RAB3GAP2: variants seen among roughly 807,000 people sequenced by gnomAD.
RAB3GAP2 encodes the protein RAB3 GTPase activating non-catalytic protein subunit 2.
In RAB3GAP2, 87 loss-of-function variants were observed where a neutral mutation model predicts 185.3. That is an observed-to-expected ratio of 0.47 (90% CI 0.39 to 0.56). The LOEUF is 0.56. RAB3GAP2 is among the 20% of genes least tolerant of loss of function. RAB3GAP2 has a pLI of 0.00. For missense variants in RAB3GAP2, 1,492 were observed against 1,638.2 expected (o/e 0.91, Z 1.54); for synonymous variants, 554 against 576.1 (o/e 0.96, Z 0.55).
At chr1:220,208,932 G>T (rs761983282) in intron 7 of RAB3GAP2, among the ~76,000 whole-genome samples, 4 of 152,174 alleles carry the variant, frequency 2.6e-5, no homozygotes, top group Non-Finnish European at 4.4e-5. Flanking sequence ...ACCCAGGCTG[G>T]TCTCAAACTC....
intron 1 of RAB3GAP2, among the ~76,000 whole-genome samples, chr1:220,233,863 G>A (rs1659545693): frequency 6.6e-6 from 1 of 152,076 alleles, no homozygotes; most frequent in Non-Finnish European, 1.5e-5. Context: ...ACCACGCCCG[G>A]CTGATTTTTG....
At chr1:220,164,473 G>GTTTTTTTTTT (rs35024056) in intron 27 of RAB3GAP2, among the ~76,000 whole-genome samples, 2 of 105,644 alleles carry the variant, frequency 1.9e-5, no homozygotes, top group Admixed American at 1.0e-4. Flanking sequence ...TTTTTGTTTT[G>GTTTTTTTTTT]TTTTTTTTTT....
chr1:220,164,605 T>C, intron 27 of RAB3GAP2, 128 bp downstream of exon 27: 2 of 1,345,712 alleles, frequency 1.5e-6, no homozygotes, highest in Non-Finnish European at 1.0e-6. Flanking sequence ...CAATACACAG[T>C]AATATGTTAG....
At chr1:220,267,442 A>G (rs1007833293) in intron 1 of RAB3GAP2, 4 of 1,371,988 alleles carry the variant, frequency 2.9e-6, no homozygotes, top group African/African-American at 2.9e-5. Context: ...CCTAAGAGCC[A>G]GAATAAACTT....
chr1:220,173,652 C>CT lies in RAB3GAP2; in HGVS notation c.2311-911dup, dbSNP rs555559039. 1.2e-3 allele frequency among the ~76,000 whole-genome samples: 190 copies of CT among 152,314 alleles called. 1 individual carries two copies. The highest frequency in any genetic ancestry group is 4.4e-3 in the African/African-American group (184 of 41,578). ...TCACCTCCTTTTATCCTAATAACTT[C>CT]TGTGGCAGGGATGATGATCCAGATT... On this transcript the variant is annotated intron_variant, in intron 21 of 34. Coordinates refer to ENST00000358951, the MANE Select transcript of RAB3GAP2 (RefSeq NM_012414.4).
chr1:220,246,250 T>G (rs1659813861), intron 1 of RAB3GAP2, among the ~76,000 whole-genome samples: 1 of 152,080 alleles, frequency 6.6e-6, no homozygotes, highest in Non-Finnish European at 1.5e-5. Flanking sequence ...AGAACGGCAA[T>G]CATTAAAAAG....
intron 13 of RAB3GAP2, 90 bp downstream of exon 13, chr1:220,193,150 T>C: frequency 2.0e-6 from 3 of 1,497,318 alleles, no homozygotes; most frequent in Non-Finnish European, 2.8e-6. Flanking sequence ...TAAACAGAGT[T>C]ATCATCCAGA....
intron 1 of RAB3GAP2, chr1:220,254,200 G>A: frequency 6.2e-7 from 1 of 1,613,534 alleles, no homozygotes; most frequent in Non-Finnish European, 8.5e-7. Flanking sequence ...AGATAATAAG[G>A]AGTATGCGGT....
In RAB3GAP2 at chr1:220,232,954, CT is replaced by C. The variant is rs1201591245; in HGVS notation, c.116-92del. The C allele has an allele frequency of 3.4e-5, 33 of 969,266 alleles. No homozygotes were observed. The Middle Eastern group carries it at 8.6e-4, about 25-fold the overall frequency. 60.0% of individuals were successfully genotyped at this position (969,266 alleles called of 1,614,324 possible). A position where few individuals can be genotyped will look rare whatever the true frequency, so the allele number is the denominator to read the frequency against. On this transcript the variant is annotated intron_variant, in intron 1 of 34. Transcript: ENST00000358951. ...TTTCTAAACATCATAGAACCAACCC[CT>C]GTATAATGCTGATATTAAGAAAGAA...
At chr1:220,225,569 C>T (rs1189440127) in intron 2 of RAB3GAP2, among the ~76,000 whole-genome samples, 1 of 152,132 alleles carries the variant, frequency 6.6e-6, no homozygotes, top group Non-Finnish European at 1.5e-5. Flanking sequence ...CTAGATGATG[C>T]CAAATCATTG....
intron 1 of RAB3GAP2, among the ~76,000 whole-genome samples, chr1:220,264,055 C>T (rs1257991677): frequency 6.6e-6 from 1 of 151,836 alleles, no homozygotes; most frequent in Admixed American, 6.6e-5. Flanking sequence ...AAAATGCTGA[C>T]CTTCTCAACA....
At chr1:220,256,156 A>G (rs1452384089) in intron 1 of RAB3GAP2, among the ~76,000 whole-genome samples, 2 of 152,206 alleles carry the variant, frequency 1.3e-5, no homozygotes, top group East Asian at 1.9e-4. Context: ...TGGCTAAGCT[A>G]AGCTTCATAG....
chr1:220,189,958 A>T, intron 16 of RAB3GAP2, 106 bp downstream of exon 16: 1 of 1,116,184 alleles, frequency 9.0e-7, no homozygotes, highest in Non-Finnish European at 1.3e-6. Flanking sequence ...GAGCAATTCC[A>T]ATAAGCTCAT....
intron 7 of RAB3GAP2, among the ~76,000 whole-genome samples, chr1:220,209,076 C>G (rs973262899): frequency 6.6e-6 from 1 of 152,002 alleles, no homozygotes; most frequent in Non-Finnish European, 1.5e-5. Flanking sequence ...AGTCCTGGCT[C>G]CCACCCAGCA....
chr1:220,254,635 G>A, intron 1 of RAB3GAP2: 1 of 926,348 alleles, frequency 1.1e-6, no homozygotes, highest in Non-Finnish European at 1.7e-6. Context: ...GAAGATGTTA[G>A]TGTATAACAA....
At chr1:220,174,491 T>C (rs1443017141) in intron 21 of RAB3GAP2, among the ~76,000 whole-genome samples, 1 of 152,204 alleles carries the variant, frequency 6.6e-6, no homozygotes, top group Non-Finnish European at 1.5e-5. Context: ...TCATGAAGAA[T>C]GGAGTGTCCA....
At position 220,226,878 on chromosome 1, in the gene RAB3GAP2, T is replaced by C. The variant is rs192923139; in HGVS notation, c.180+5921A>G. On this transcript the variant is annotated intron_variant, in intron 2 of 34. Transcript: ENST00000358951. Reference sequence around the variant, plus strand: ...TTAAATGCAAATGAGCTCATAAGAGTTGGATAGGACTGGTGTCCTCATAAG... The same window carrying C: ...TTAAATGCAAATGAGCTCATAAGAGCTGGATAGGACTGGTGTCCTCATAAG... 4.0e-4 allele frequency among the ~76,000 whole-genome samples: 60 copies of C among 151,810 alleles called. 1 individual carries two copies. The East Asian group carries it at 0.011, about 29-fold the overall frequency.
At chr1:220,172,964 T>C (rs1458019998) in intron 21 of RAB3GAP2, among the ~76,000 whole-genome samples, 1 of 152,188 alleles carries the variant, frequency 6.6e-6, no homozygotes, top group Non-Finnish European at 1.5e-5. Context: ...ACTTCACTGT[T>C]TCCAAACCTT....
chr1:220,170,712 C>A (rs963287967), intron 24 of RAB3GAP2, among the ~76,000 whole-genome samples, 180 bp downstream of exon 24: 28 of 152,100 alleles, frequency 1.8e-4, no homozygotes, highest in African/African-American at 6.8e-4. Flanking sequence ...AGTTCCTGAG[C>A]GTGGAACTGA....
Sources: allele counts gnomAD v4.1 joint callset (sites outside exome capture counted in the v4.1 genomes callset), GRCh38; gene constraint gnomAD v4.1.1; transcripts MANE v1.5; gene names NCBI Gene and HGNC (gene_info 2026-07-23, HGNC 2026-07-21).